CFAP96: variants seen among roughly 807,000 people sequenced by gnomAD.
The protein encoded by CFAP96 is cilia-and flagella-associated protein 96.
the CFAP96 span, among the ~76,000 whole-genome samples, chr4:185,422,316 G>A: frequency 3.9e-5 from 6 of 152,322 alleles, no homozygotes; most frequent in East Asian, 1.2e-3. Flanking sequence ...ATGGGCTGGT[G>A]GGTGTGCTGG....
At chr4:185,445,302 T>G in the CFAP96 span, 14 of 707,246 alleles carry the variant, frequency 2.0e-5, no homozygotes, top group Admixed American at 3.0e-4. Context: ...CTTGTAGAAG[T>G]TCTCCCCCAT....
At chr4:185,425,774 C>A in the CFAP96 span, 3 of 1,538,458 alleles carry the variant, frequency 1.9e-6, no homozygotes, top group East Asian at 2.4e-5. Context: ...CCCGGCAGGA[C>A]CAGCTCCTTT....
the CFAP96 span, chr4:185,413,605 G>C: frequency 2.0e-6 from 2 of 990,948 alleles, no homozygotes; most frequent in Non-Finnish European, 2.9e-6. Flanking sequence ...ACAGAGATGG[G>C]TGATAAATCA....
the CFAP96 span, chr4:185,418,393 C>CA: frequency 6.9e-7 from 1 of 1,439,778 alleles, no homozygotes; most frequent in Non-Finnish European, 9.6e-7. Flanking sequence ...GTTCCAAATC[C>CA]AAAGATTTAA....
the CFAP96 span, chr4:185,425,815 G>C: frequency 1.3e-6 from 2 of 1,587,624 alleles, no homozygotes; most frequent in Non-Finnish European, 1.7e-6. Context: ...CGTGGCGGCT[G>C]CCAAAGTCCG....
the CFAP96 span, among the ~76,000 whole-genome samples, chr4:185,429,989 G>A: frequency 6.6e-6 from 1 of 152,168 alleles, no homozygotes; most frequent in Admixed American, 6.5e-5. Context: ...GATTTTATGA[G>A]AATAGGAATC....
chr4:185,411,392 T>G, the CFAP96 span, among the ~76,000 whole-genome samples: 1 of 151,996 alleles, frequency 6.6e-6, no homozygotes, highest in South Asian at 2.1e-4. Flanking sequence ...AAAGGAACAT[T>G]AACCTAACTA....
At chr4:185,447,574 A>G in the CFAP96 span, among the ~76,000 whole-genome samples, 3 of 152,198 alleles carry the variant, frequency 2.0e-5, no homozygotes, top group African/African-American at 4.8e-5. Flanking sequence ...GAGCACTTGT[A>G]TGTGTCACTA....
the CFAP96 span, among the ~76,000 whole-genome samples, chr4:185,431,546 C>G: frequency 3.9e-5 from 6 of 152,222 alleles, no homozygotes; most frequent in African/African-American, 1.4e-4. Flanking sequence ...GACACTCACG[C>G]ATCTTGAATA....
At chr4:185,434,974 C>T in the CFAP96 span, among the ~76,000 whole-genome samples, 1 of 152,008 alleles carries the variant, frequency 6.6e-6, no homozygotes, top group African/African-American at 2.4e-5. Flanking sequence ...CTCCTGACCT[C>T]AGGTGATCTG....
chr4:185,415,381 AG>A, the CFAP96 span: 1 of 1,497,614 alleles, frequency 6.7e-7, no homozygotes, highest in African/African-American at 1.4e-5. Context: ...TATTAACAAA[AG>A]TTATAGTGAC....
the CFAP96 span, chr4:185,445,610 T>G: frequency 9.8e-7 from 1 of 1,019,172 alleles, no homozygotes; most frequent in Non-Finnish European, 1.5e-6. Flanking sequence ...TGAGAAAAAG[T>G]ATATTATCAA....
the CFAP96 span, among the ~76,000 whole-genome samples, chr4:185,429,155 G>A: frequency 2.0e-5 from 3 of 152,172 alleles, no homozygotes; most frequent in Non-Finnish European, 2.9e-5. Context: ...CTCATCTGGA[G>A]AATTTTGAAT....
chr4:185,443,921 CTTTTTTTTTT>C, the CFAP96 span, among the ~76,000 whole-genome samples: 6 of 82,852 alleles, frequency 7.2e-5, no homozygotes, highest in East Asian at 3.5e-4. Flanking sequence ...CTATATCTTT[CTTTTTTTTTT>C]TTTTTTTTTT....
the CFAP96 span, chr4:185,415,764 A>G: frequency 6.2e-7 from 1 of 1,613,796 alleles, no homozygotes; most frequent in African/African-American, 1.3e-5. Context: ...AGGTAAAGTC[A>G]TATTAACATA....
chr4:185,418,819 C>T, the CFAP96 span: 8 of 1,427,100 alleles, frequency 5.6e-6, no homozygotes, highest in Non-Finnish European at 7.5e-6. Flanking sequence ...AATTTTTCAA[C>T]ATGAATGGTT....
the CFAP96 span, chr4:185,415,866 T>C: frequency 4.3e-6 from 7 of 1,610,494 alleles, no homozygotes; most frequent in African/African-American, 6.7e-5. Context: ...TACTATTTGA[T>C]GCTATATAGA....
chr4:185,441,621 GAAATT>G, the CFAP96 span, among the ~76,000 whole-genome samples: 13 of 150,938 alleles, frequency 8.6e-5, no homozygotes, highest in African/African-American at 2.4e-4. Flanking sequence ...TCTATTAAAA[GAAATT>G]AAATTAAAAT....
the CFAP96 span, among the ~76,000 whole-genome samples, chr4:185,410,945 CAA>C: frequency 4.4e-5 from 5 of 113,956 alleles, no homozygotes; most frequent in Non-Finnish European, 5.1e-5. Context: ...GACTCCATCT[CAA>C]AAAAAAAAAA....
Sources: gnomAD v4.1 joint callset for allele counts (sites outside exome capture counted in the v4.1 genomes callset) on GRCh38, gnomAD v4.1.1 for gene constraint, MANE v1.5 for transcripts, NCBI Gene and HGNC (gene_info 2026-07-23, HGNC 2026-07-21) for gene names.